The following GFRA1 variants were observed in gnomAD, a reference collection of about 807,000 sequenced individuals.
The protein encoded by GFRA1 is GDNF family receptor alpha 1.
GFRA1 carries 16 observed loss-of-function variants against 51.6 expected under a neutral mutation model. The ratio of observed to expected loss-of-function variants is 0.31; its 90% CI spans 0.21 to 0.47. The LOEUF (loss-of-function observed/expected upper bound fraction) is 0.47, where lower values mean the gene tolerates loss of function less well. Among genes scored for constraint, GFRA1 ranks in the 20% least tolerant of loss-of-function variants. The pLI, the probability that GFRA1 is intolerant of heterozygous loss-of-function variation, is 1.00. For missense variants in GFRA1, 530 were observed against 594.3 expected (o/e 0.89, Z 1.13); for synonymous variants, 270 against 241.3 (o/e 1.12, Z -1.10).
chr10:116,255,231 T>C (rs1464713880), intron 4 of GFRA1, among the ~76,000 whole-genome samples: 1 of 152,238 alleles, frequency 6.6e-6, no homozygotes, highest in Non-Finnish European at 1.5e-5. Flanking sequence ...CATAATTTTA[T>C]GTGAAGCTGC....
At chr10:116,213,383 A>G (rs1965343289) in intron 4 of GFRA1, among the ~76,000 whole-genome samples, 2 of 152,214 alleles carry the variant, frequency 1.3e-5, no homozygotes, top group Admixed American at 6.5e-5. Context: ...AGATAGCAAA[A>G]TGGCACATAT....
intron 9 of GFRA1, among the ~76,000 whole-genome samples, chr10:116,078,292 A>C (rs947623761): frequency 1.3e-5 from 2 of 152,302 alleles, no homozygotes; most frequent in East Asian, 3.9e-4. Context: ...AGCAGTTATT[A>C]TAAAAGGTGT....
chr10:116,259,509 C>T (rs1969141766), intron 4 of GFRA1, among the ~76,000 whole-genome samples: 2 of 152,130 alleles, frequency 1.3e-5, no homozygotes, highest in South Asian at 2.1e-4. Flanking sequence ...TAATAGTACG[C>T]GTGTTCTGGA....
rs77482307 is a variant in GFRA1 at position 116,067,616 on chromosome 10, G to A, written c.1198-1990C>T. ...TATACTCAATCTGTGACACTCATTA[G>A]CTATACTGCAGGAGTATAATCCTAC... On this transcript the variant is annotated intron_variant, in intron 9 of 10. Transcript: ENST00000355422. 5.6e-3 allele frequency among the ~76,000 whole-genome samples: 855 copies of A among 152,280 alleles called. 9 individuals carry two copies. The highest frequency in any genetic ancestry group is 0.019 in the African/African-American group (803 of 41,544).
At chr10:116,157,069 G>A (rs1162528646) in intron 5 of GFRA1, among the ~76,000 whole-genome samples, 1 of 152,118 alleles carries the variant, frequency 6.6e-6, no homozygotes, top group Non-Finnish European at 1.5e-5. Context: ...CCAGATACAA[G>A]GAATAAGGTA....
intron 5 of GFRA1, among the ~76,000 whole-genome samples, chr10:116,170,084 C>T (rs1385926013): frequency 6.6e-6 from 1 of 152,184 alleles, no homozygotes; most frequent in Non-Finnish European, 1.5e-5. Context: ...GGAGCCACCC[C>T]TGCTGCAAGT....
At chr10:116,101,803 G>T (rs930155904) in intron 6 of GFRA1, among the ~76,000 whole-genome samples, 1 of 152,190 alleles carries the variant, frequency 6.6e-6, no homozygotes, top group Non-Finnish European at 1.5e-5. Context: ...ACTGAGAATT[G>T]TAAGATGTTG....
intron 9 of GFRA1, among the ~76,000 whole-genome samples, chr10:116,077,492 T>C (rs1041773966): frequency 6.6e-6 from 1 of 152,166 alleles, no homozygotes; most frequent in Non-Finnish European, 1.5e-5. Flanking sequence ...AACTATAAAA[T>C]AGAATTGCAC....
rs1413640025 is a variant in GFRA1 at position 116,057,988 on chromosome 10, CATTGTGTGTGTGTGTGTGTGTGT to C, written c.*6387_*6409del. On this transcript the variant is annotated 3_prime_UTR_variant, in exon 11 of 11. Coordinates refer to ENST00000355422, the MANE Select transcript of GFRA1 (RefSeq NM_005264.8). ...ATGCTGGATCATATAGCCCTCCAAT[CATTGTGTGTGTGTGTGTGTGTGT>C]GTGTGTGTGTGTGTGTGTGTGTGTG... 1 of 120,704 alleles carries C rather than the reference CATTGTGTGTGTGTGTGTGTGTGT, an allele frequency of 8.3e-6. No individual in the cohort carries two copies. Among genetic ancestry groups the C allele is most frequent in the African/African-American group, 3.2e-5 (1 of 31,366 alleles). The allele number at this position is 120,704 out of a possible 1,614,324, so 7.5% of individuals were successfully genotyped here. A position where few individuals can be genotyped will look rare whatever the true frequency, so the allele number is the denominator to read the frequency against.
intron 6 of GFRA1, among the ~76,000 whole-genome samples, chr10:116,122,210 C>T (rs1173579443): frequency 6.6e-6 from 1 of 152,142 alleles, no homozygotes; most frequent in Non-Finnish European, 1.5e-5. Flanking sequence ...TCCTAAACAG[C>T]CTCTGAGCTT....
intron 4 of GFRA1, among the ~76,000 whole-genome samples, chr10:116,228,359 T>C (rs1187263810): frequency 6.6e-6 from 1 of 152,192 alleles, no homozygotes; most frequent in Non-Finnish European, 1.5e-5. Context: ...ACAGCCAGGA[T>C]TGCTCCAAAA....
At chr10:116,104,394 G>C (rs1180491987) in intron 6 of GFRA1, among the ~76,000 whole-genome samples, 2 of 152,280 alleles carry the variant, frequency 1.3e-5, no homozygotes, top group Admixed American at 1.3e-4. Context: ...GGCAGCTCTT[G>C]GCTGCGAGGG....
intron 9 of GFRA1, among the ~76,000 whole-genome samples, chr10:116,085,501 A>G (rs1159133008): frequency 6.6e-6 from 1 of 150,706 alleles, no homozygotes; most frequent in Admixed American, 6.6e-5. Context: ...ACGCCATTCT[A>G]AGATATTTCT....
At chr10:116,218,626 G>T (rs1965721441) in intron 4 of GFRA1, among the ~76,000 whole-genome samples, 2 of 152,042 alleles carry the variant, frequency 1.3e-5, no homozygotes, top group South Asian at 4.1e-4. Flanking sequence ...GACAGCTCAG[G>T]CAACCGTGTA....
At chr10:116,172,153 C>T (rs1014510188) in intron 5 of GFRA1, among the ~76,000 whole-genome samples, 2 of 152,202 alleles carry the variant, frequency 1.3e-5, no homozygotes, top group East Asian at 3.9e-4. Flanking sequence ...TGGAGTTTTG[C>T]TGGAGGACGA....
At chr10:116,190,627 C>T (rs1249522705) in intron 5 of GFRA1, among the ~76,000 whole-genome samples, 2 of 152,194 alleles carry the variant, frequency 1.3e-5, no homozygotes, top group Admixed American at 6.5e-5. Flanking sequence ...GAAGCCTCAA[C>T]AAATCCTTCC....
In GFRA1 at chr10:116,272,060, C is replaced by G. The variant is rs766473968; in HGVS notation, c.-31G>C. ...CGGCGCGGGGCTGGTCCCCGCCCCC[C>G]CAAAAAAATCCCGAGCCGCCGCTGG... is the stretch of plus-strand genomic sequence containing the variant. On this transcript the variant is annotated 5_prime_UTR_variant, in exon 2 of 11. Coordinates refer to ENST00000355422, the MANE Select transcript of GFRA1 (RefSeq NM_005264.8). The surrounding 1 kb of genome is among the most constrained non-coding windows in gnomAD (Gnocchi z 4.4). 43 of 1,542,430 alleles carry G rather than the reference C, an allele frequency of 2.8e-5. No individual in the cohort carries two copies. Among genetic ancestry groups the G allele is most frequent in the Non-Finnish European group, 3.3e-5 (38 of 1,140,846 alleles).
intron 4 of GFRA1, among the ~76,000 whole-genome samples, chr10:116,231,125 A>C (rs1004480416): frequency 3.9e-5 from 6 of 152,218 alleles, no homozygotes; most frequent in Non-Finnish European, 5.9e-5. Context: ...TTAGCAGAGA[A>C]GTGAAATGTT....
chr10:116,120,032 C>T (rs1198645765), intron 6 of GFRA1, among the ~76,000 whole-genome samples: 1 of 152,192 alleles, frequency 6.6e-6, no homozygotes, highest in African/African-American at 2.4e-5. Flanking sequence ...CCCAGGCCTC[C>T]AAGATACAAT....
Sources: gnomAD v4.1 joint callset for allele counts (sites outside exome capture counted in the v4.1 genomes callset) on GRCh38, gnomAD v4.1.1 for gene constraint, Gnocchi (gnomAD v3.1) non-coding constraint, MANE v1.5 for transcripts, NCBI Gene and HGNC (gene_info 2026-07-23, HGNC 2026-07-21) for gene names.